KCNK2: variants seen among roughly 807,000 people sequenced by gnomAD.
KCNK2 encodes the protein potassium channel subfamily K member 2.
In KCNK2, 21 loss-of-function variants were observed where a neutral mutation model predicts 40.5. The observed-to-expected ratio is 0.52, with a 90% CI of 0.37 to 0.75. The LOEUF (loss-of-function observed/expected upper bound fraction) is 0.75. KCNK2 is among the 30% of genes least tolerant of loss of function. The pLI is 0.00. For missense variants in KCNK2, 399 were observed against 531.6 expected (o/e 0.75, Z 2.45); for synonymous variants, 191 against 202.2 (o/e 0.94, Z 0.47).
intron 5 of KCNK2, 56 bp downstream of exon 5, chr1:215,172,239 T>G: frequency 6.8e-7 from 1 of 1,466,790 alleles, no homozygotes; most frequent in Non-Finnish European, 9.3e-7. Context: ...TTAGATAGAT[T>G]TTTCACTTAG....
chr1:215,171,964 A>T, intron 4 of KCNK2, 33 bp from the exon 5 acceptor site: 2 of 1,432,088 alleles, frequency 1.4e-6, no homozygotes, highest in Non-Finnish European at 2.0e-6. Context: ...ATACATATAT[A>T]TATATACACA....
At chr1:215,017,764 C>T (rs1394109361) in intron 1 of KCNK2, among the ~76,000 whole-genome samples, 3 of 152,144 alleles carry the variant, frequency 2.0e-5, no homozygotes, top group Non-Finnish European at 2.9e-5. Context: ...GTAACGCATA[C>T]ATTAATTATC....
intron 1 of KCNK2, among the ~76,000 whole-genome samples, chr1:215,068,222 T>G (rs995788032): frequency 1.3e-5 from 2 of 152,132 alleles, no homozygotes; most frequent in African/African-American, 4.8e-5. Context: ...CTATGTGTTA[T>G]GAGAACATAG....
intron 6 of KCNK2, among the ~76,000 whole-genome samples, chr1:215,200,472 T>G (rs939945556): frequency 6.6e-6 from 1 of 152,170 alleles, no homozygotes; most frequent in Non-Finnish European, 1.5e-5. Flanking sequence ...CATTATTTCT[T>G]ATGGGAGAAG....
At chr1:215,077,773 G>A (rs1658999028), upstream of KCNK2, among the ~76,000 whole-genome samples, 1 of 151,954 alleles carries the variant, frequency 6.6e-6, no homozygotes, top group South Asian at 2.1e-4. Flanking sequence ...TTTCCATTAT[G>A]CTTTTCCCTT....
intron 3 of KCNK2, among the ~76,000 whole-genome samples, chr1:215,146,256 A>C (rs913360861): frequency 3.3e-5 from 5 of 152,156 alleles, no homozygotes; most frequent in African/African-American, 1.2e-4. Context: ...TTTGCAAAGG[A>C]ATAGCCCTTC....
chr1:215,185,386 G>A (rs1054386046), intron 5 of KCNK2, among the ~76,000 whole-genome samples: 2 of 152,060 alleles, frequency 1.3e-5, no homozygotes, highest in African/African-American at 2.4e-5. Flanking sequence ...GAGTGTTTTT[G>A]GAATGAGAAT....
At chr1:215,101,577 C>T (rs1660220988) in intron 2 of KCNK2, among the ~76,000 whole-genome samples, 1 of 151,890 alleles carries the variant, frequency 6.6e-6, no homozygotes, top group Non-Finnish European at 1.5e-5. Context: ...GACAAGTGGT[C>T]TGGGCTTTAG....
chr1:215,009,840 T>C (rs1024396855), intron 1 of KCNK2, among the ~76,000 whole-genome samples: 2 of 152,212 alleles, frequency 1.3e-5, no homozygotes, highest in Non-Finnish European at 2.9e-5. Context: ...TCTTCTCTAC[T>C]ATAAGTATAT....
At chr1:215,225,897 A>G (rs1033095140) in intron 6 of KCNK2, among the ~76,000 whole-genome samples, 3 of 152,322 alleles carry the variant, frequency 2.0e-5, no homozygotes, top group Admixed American at 6.5e-5. Context: ...CACGTAGCTG[A>G]CTGGAGTCAA....
chr1:215,025,926 G>T (rs1656985179), intron 1 of KCNK2, among the ~76,000 whole-genome samples: 1 of 151,932 alleles, frequency 6.6e-6, no homozygotes, highest in African/African-American at 2.4e-5. Flanking sequence ...AATAAATGTT[G>T]CCCAATTGCT....
rs113192743 is a variant in KCNK2, at chr1:215,037,948, A to G, written c.34+31993A>G. Among the ~76,000 whole-genome samples the G allele has an allele frequency of 8.3e-3, 1,254 of 151,870 alleles. 18 individuals carry two copies. Among genetic ancestry groups the G allele is most frequent in the African/African-American group, 0.029 (1,182 of 41,460 alleles). ...ATATCCTTTAGGATATACCTAAGGTATATCTTGAGATATACCTTAGGTGGT... is the reference window on the plus strand; with the variant it reads ...ATATCCTTTAGGATATACCTAAGGTGTATCTTGAGATATACCTTAGGTGGT... On this transcript the variant is annotated intron_variant, in intron 1 of 6. Coordinates refer to the KCNK2 transcript ENST00000391895.
At chr1:215,140,268 A>C (rs1662117623) in intron 3 of KCNK2, among the ~76,000 whole-genome samples, 1 of 152,204 alleles carries the variant, frequency 6.6e-6, no homozygotes, top group Non-Finnish European at 1.5e-5. Flanking sequence ...TTCTTTAGGC[A>C]AGGTGATTCA....
At chr1:215,220,701 C>T (rs1354401977) in intron 6 of KCNK2, among the ~76,000 whole-genome samples, 2 of 152,064 alleles carry the variant, frequency 1.3e-5, no homozygotes, top group East Asian at 1.9e-4. Context: ...CATAAAATGC[C>T]GTTTTGTTAT....
intron 1 of KCNK2, among the ~76,000 whole-genome samples, chr1:215,015,479 G>C (rs1361327803): frequency 6.6e-6 from 1 of 152,028 alleles, no homozygotes; most frequent in Non-Finnish European, 1.5e-5. Flanking sequence ...AACCATACAG[G>C]CTCTGGGGTC....
At chr1:215,104,268 A>G (rs185156375) in intron 2 of KCNK2, among the ~76,000 whole-genome samples, 18 of 152,116 alleles carry the variant, frequency 1.2e-4, no homozygotes, top group Admixed American at 7.9e-4. Context: ...CAATAGAACA[A>G]ACACCGGATC....
At chr1:215,214,292 G>C (rs1304364020) in intron 6 of KCNK2, among the ~76,000 whole-genome samples, 3 of 152,060 alleles carry the variant, frequency 2.0e-5, no homozygotes, top group Admixed American at 6.6e-5. Flanking sequence ...TGCGGGAAGA[G>C]CTACACACTT....
chr1:215,103,512 A>G (rs1660308013), intron 2 of KCNK2, among the ~76,000 whole-genome samples: 1 of 151,920 alleles, frequency 6.6e-6, no homozygotes, highest in Admixed American at 6.6e-5. Context: ...TAGGCTTCCT[A>G]TTTTCTCTCT....
At chr1:215,005,627 C>A (rs542960984), upstream of KCNK2, 1 of 379,918 alleles carries the variant, frequency 2.6e-6, no homozygotes, top group South Asian at 5.9e-5. Flanking sequence ...TTCTCTGGAA[C>A]AACTGGGATA....
Sources: gnomAD v4.1 joint callset for allele counts (sites outside exome capture counted in the v4.1 genomes callset) on GRCh38, gnomAD v4.1.1 for gene constraint, MANE v1.5 for transcripts, NCBI Gene and HGNC (gene_info 2026-07-23, HGNC 2026-07-21) for gene names.